Variants in MARCHF1 observed in about 807,000 individuals in gnomAD.
The protein encoded by MARCHF1 is membrane associated ring-CH-type finger 1, also known as E3 ubiquitin-protein ligase MARCHF1.
In MARCHF1, 40 loss-of-function variants were observed where a neutral mutation model predicts 54.2. The observed-to-expected ratio is 0.74, with a 90% CI of 0.57 to 0.96. The LOEUF is 0.96. Among genes scored for constraint, MARCHF1 ranks in the 40% least tolerant of loss-of-function variants. MARCHF1 has a pLI of 0.00. For synonymous variants in MARCHF1, 236 were observed against 236.3 expected, an observed-to-expected ratio of 1.00 and a Z score of 0.01; for missense variants, 586 against 656.5, an observed-to-expected ratio of 0.89 and a Z score of 1.17.
At chr4:163,955,460 C>G (rs1752214163) in intron 3 of MARCHF1, among the ~76,000 whole-genome samples, 1 of 151,664 alleles carries the variant, frequency 6.6e-6, no homozygotes, top group African/African-American at 2.4e-5. Context: ...CTTTCAGAAT[C>G]TGACACTCCC....
intron 2 of MARCHF1, among the ~76,000 whole-genome samples, chr4:164,054,968 A>G (rs1224754251): frequency 6.6e-6 from 1 of 152,200 alleles, no homozygotes; most frequent in Non-Finnish European, 1.5e-5. Context: ...TTATACTGTC[A>G]TGTAATATGA....
At chr4:164,007,671 TG>T (rs1753327462) in intron 2 of MARCHF1, among the ~76,000 whole-genome samples, 4 of 151,876 alleles carry the variant, frequency 2.6e-5, no homozygotes, top group African/African-American at 9.7e-5. Flanking sequence ...TGTGTGTGTG[TG>T]TGTGTGTGTG....
At chr4:164,380,831 A>G (rs1731344609) in intron 1 of MARCHF1, among the ~76,000 whole-genome samples, 1 of 152,200 alleles carries the variant, frequency 6.6e-6, no homozygotes, top group Admixed American at 6.5e-5. Flanking sequence ...GCCTACAGGA[A>G]AGTGAAAGCT....
intron 7 of MARCHF1, among the ~76,000 whole-genome samples, chr4:163,595,430 T>C (rs1320344878): frequency 1.4e-5 from 2 of 143,974 alleles, no homozygotes; most frequent in African/African-American, 4.9e-5. Context: ...GGCAGGAAGA[T>C]TGCCTAAGCC....
chr4:163,558,430 A>C (rs1739361232), intron 8 of MARCHF1, among the ~76,000 whole-genome samples: 1 of 152,180 alleles, frequency 6.6e-6, no homozygotes, highest in African/African-American at 2.4e-5. Context: ...CAAGTGGAGG[A>C]GATGCTTCGG....
intron 3 of MARCHF1, among the ~76,000 whole-genome samples, chr4:163,889,709 C>A (rs1182384275): frequency 1.3e-5 from 2 of 151,936 alleles, no homozygotes; most frequent in Non-Finnish European, 2.9e-5. Flanking sequence ...TCCTATTTCC[C>A]TTTTCTGACA....
chr4:164,000,220 T>C (rs545735759), intron 2 of MARCHF1, among the ~76,000 whole-genome samples: 58 of 151,830 alleles, frequency 3.8e-4, no homozygotes, highest in African/African-American at 1.4e-3. Flanking sequence ...AGAGTACTAA[T>C]AGGTCAAAAA....
At chr4:164,127,052 T>A (rs986046726) in intron 1 of MARCHF1, among the ~76,000 whole-genome samples, 2 of 150,466 alleles carry the variant, frequency 1.3e-5, no homozygotes, top group Admixed American at 1.3e-4. Flanking sequence ...AAACTCCGTC[T>A]CAAAACAAAA....
At chr4:163,982,847 T>A (rs1002260413) in intron 3 of MARCHF1, among the ~76,000 whole-genome samples, 1 of 152,164 alleles carries the variant, frequency 6.6e-6, no homozygotes, top group Admixed American at 6.5e-5. Flanking sequence ...TTCAGAAGTC[T>A]TCAGGACAAA....
intron 1 of MARCHF1, among the ~76,000 whole-genome samples, chr4:164,227,710 ATGT>A (rs936793672): frequency 2.6e-5 from 4 of 152,144 alleles, no homozygotes; most frequent in African/African-American, 9.7e-5. Context: ...TACCTACTCA[ATGT>A]TGTTAATTTA....
At chr4:163,716,434 T>C (rs1311827411) in intron 4 of MARCHF1, among the ~76,000 whole-genome samples, 3 of 152,208 alleles carry the variant, frequency 2.0e-5, no homozygotes, top group African/African-American at 7.2e-5. Context: ...CTAGACAGAA[T>C]TACAGTTAAG....
At chr4:163,602,488 C>A (rs1579102463) in intron 7 of MARCHF1, among the ~76,000 whole-genome samples, 1 of 152,048 alleles carries the variant, frequency 6.6e-6, no homozygotes, top group East Asian at 1.9e-4. Context: ...AGCAAGACCT[C>A]CTGACTGTAT....
intron 1 of MARCHF1, among the ~76,000 whole-genome samples, chr4:164,169,791 C>T (rs1487700879): frequency 6.6e-6 from 1 of 152,072 alleles, no homozygotes; most frequent in Non-Finnish European, 1.5e-5. Context: ...CCATGAGTAA[C>T]TTGACCTTTC....
intron 3 of MARCHF1, among the ~76,000 whole-genome samples, chr4:163,901,760 A>G (rs560236318): frequency 6.6e-6 from 1 of 152,178 alleles, no homozygotes; most frequent in Non-Finnish European, 1.5e-5. Flanking sequence ...ATTTATGGAA[A>G]CAACCAAGGC....
At chr4:163,958,265 G>A (rs1245066605) in intron 3 of MARCHF1, among the ~76,000 whole-genome samples, 2 of 151,800 alleles carry the variant, frequency 1.3e-5, no homozygotes, top group East Asian at 3.9e-4. Flanking sequence ...GTGTGTGTGT[G>A]TGTGTGTTTG....
intron 1 of MARCHF1, among the ~76,000 whole-genome samples, chr4:164,196,838 C>T (rs1731274670): frequency 1.3e-5 from 2 of 152,116 alleles, no homozygotes; most frequent in Admixed American, 6.5e-5. Context: ...CCCCAGTACA[C>T]TTTTCCCGTC....
chr4:163,899,142 A>G (rs1750881541), intron 3 of MARCHF1, among the ~76,000 whole-genome samples: 1 of 152,318 alleles, frequency 6.6e-6, no homozygotes, highest in African/African-American at 2.4e-5. Flanking sequence ...TCATCTAACA[A>G]ACATGCATAT....
At chr4:163,945,566 C>A (rs1752007483) in intron 3 of MARCHF1, among the ~76,000 whole-genome samples, 1 of 152,088 alleles carries the variant, frequency 6.6e-6, no homozygotes, top group South Asian at 2.1e-4. Flanking sequence ...AGCAATGCAA[C>A]AAGGACAGAT....
intron 3 of MARCHF1, among the ~76,000 whole-genome samples, chr4:163,857,272 A>G (rs1266033957): frequency 6.6e-6 from 1 of 152,150 alleles, no homozygotes; most frequent in Non-Finnish European, 1.5e-5. Context: ...GCTACAATAT[A>G]GATTCTAAAA....
Sources: gnomAD v4.1 joint callset for allele counts (sites outside exome capture counted in the v4.1 genomes callset) on GRCh38, gnomAD v4.1.1 for gene constraint, MANE v1.5 for transcripts, NCBI Gene and HGNC (gene_info 2026-07-23, HGNC 2026-07-21) for gene names.